Variants in SPOCK3 observed in about 807,000 individuals in gnomAD.
SPOCK3 encodes testican-3.
In SPOCK3, 30 loss-of-function variants were observed where a neutral mutation model predicts 56.6. That is an observed-to-expected ratio of 0.53 (90% confidence interval 0.40 to 0.72). SPOCK3 has a LOEUF of 0.72. Ranked by LOEUF, SPOCK3 falls within the 30% of genes least tolerant of loss-of-function variation. The probability of loss-of-function intolerance (pLI) is 0.00; values close to 1 mark genes in which losing one functional copy is unlikely to be tolerated. For missense variants in SPOCK3, 527 were observed against 530.0 expected, an observed-to-expected ratio of 0.99 and a Z score of 0.06; for synonymous variants, 196 against 183.3, an observed-to-expected ratio of 1.07 and a Z score of -0.56.
At chr4:167,010,211 A>G (rs974569422) in intron 3 of SPOCK3, among the ~76,000 whole-genome samples, 4 of 152,104 alleles carry the variant, frequency 2.6e-5, no homozygotes, top group Admixed American at 2.0e-4. Context: ...TGCAGTGAGG[A>G]ACAAATAATT....
chr4:167,061,344 A>T (rs1435624808), intron 3 of SPOCK3, among the ~76,000 whole-genome samples: 1 of 151,986 alleles, frequency 6.6e-6, no homozygotes, highest in Non-Finnish European at 1.5e-5. Flanking sequence ...CATTGGCTTG[A>T]CTTATTAGTA....
intron 4 of SPOCK3, among the ~76,000 whole-genome samples, chr4:166,941,409 G>A (rs2069087076): frequency 6.6e-6 from 1 of 152,166 alleles, no homozygotes; most frequent in South Asian, 2.1e-4. Flanking sequence ...TCTTGTAACT[G>A]TTTCCTTTTT....
chr4:166,751,605 T>G (rs1736382858), intron 8 of SPOCK3, among the ~76,000 whole-genome samples: 1 of 152,286 alleles, frequency 6.6e-6, no homozygotes, highest in South Asian at 2.1e-4. Flanking sequence ...AAAATGGGAA[T>G]ATTTATACTT....
chr4:166,902,748 T>C (rs1258728178), intron 5 of SPOCK3, among the ~76,000 whole-genome samples: 10 of 151,658 alleles, frequency 6.6e-5, no homozygotes, highest in Non-Finnish European at 1.3e-4. Flanking sequence ...TCATCTAATC[T>C]GCTGTTTAAT....
chr4:167,224,076 C>A (rs1358046738), intron 2 of SPOCK3, among the ~76,000 whole-genome samples: 1 of 151,928 alleles, frequency 6.6e-6, no homozygotes, highest in Non-Finnish European at 1.5e-5. Flanking sequence ...AGAAAACAGC[C>A]ATTAATTAAA....
intron 6 of SPOCK3, among the ~76,000 whole-genome samples, chr4:166,852,367 A>G (rs899386412): frequency 1.3e-5 from 2 of 152,126 alleles, no homozygotes; most frequent in Non-Finnish European, 2.9e-5. Context: ...TTCCAGAGAA[A>G]CCTTGAAAAC....
intron 6 of SPOCK3, among the ~76,000 whole-genome samples, chr4:166,880,322 T>C (rs1219070324): frequency 6.6e-6 from 1 of 152,188 alleles, no homozygotes; most frequent in African/African-American, 2.4e-5. Context: ...CAGCTTCTGG[T>C]ACACTGTTCT....
At chr4:167,220,331 T>G (rs1735777702) in intron 2 of SPOCK3, among the ~76,000 whole-genome samples, 1 of 151,874 alleles carries the variant, frequency 6.6e-6, no homozygotes, top group South Asian at 2.1e-4. Context: ...AAAAAACAGC[T>G]TCTGAAGATG....
chr4:167,134,767 T>C (rs976615187), intron 2 of SPOCK3, among the ~76,000 whole-genome samples: 3 of 152,158 alleles, frequency 2.0e-5, no homozygotes, highest in Non-Finnish European at 4.4e-5. Flanking sequence ...GTTGTTATTA[T>C]ATTCCCCACA....
chr4:166,852,700 A>C (rs1266175182), intron 6 of SPOCK3, among the ~76,000 whole-genome samples: 1 of 152,218 alleles, frequency 6.6e-6, no homozygotes, highest in African/African-American at 2.4e-5. Flanking sequence ...GGCACCCTGC[A>C]TGCAACAAAC....
At chr4:167,055,431 G>A (rs1297932221) in intron 3 of SPOCK3, among the ~76,000 whole-genome samples, 1 of 152,138 alleles carries the variant, frequency 6.6e-6, no homozygotes, top group Non-Finnish European at 1.5e-5. Flanking sequence ...ATCTCACTAG[G>A]GAGTGCCAGA....
rs895611689 is a variant in SPOCK3 at position 166,738,781 on chromosome 4, G to C, written c.995-1177C>G. ...GATGATTTCCAATTTCATCCATGTCGCTATAAAGGACATGAACTCATCATT... is the reference window on the plus strand; with the variant it reads ...GATGATTTCCAATTTCATCCATGTCCCTATAAAGGACATGAACTCATCATT... On this transcript the variant is annotated intron_variant, in intron 9 of 10. Transcript: ENST00000357545. 2.7e-4 allele frequency among the ~76,000 whole-genome samples: 41 copies of C among 151,506 alleles called. No individual in the cohort carries two copies. The East Asian group carries it at 7.5e-3, about 28-fold the overall frequency.
intron 6 of SPOCK3, among the ~76,000 whole-genome samples, chr4:166,876,877 G>C (rs1579508388): frequency 1.3e-5 from 2 of 152,042 alleles, no homozygotes; most frequent in South Asian, 4.1e-4. Flanking sequence ...CAAGAAAAAA[G>C]TTTACATTTA....
At chr4:166,781,728 T>TGC (rs1473996088) in intron 7 of SPOCK3, among the ~76,000 whole-genome samples, 1 of 151,926 alleles carries the variant, frequency 6.6e-6, no homozygotes, top group Non-Finnish European at 1.5e-5. Flanking sequence ...AAAATCTAGA[T>TGC]GCACCATCGT....
intron 4 of SPOCK3, among the ~76,000 whole-genome samples, chr4:166,980,482 G>T (rs565405517): frequency 6.6e-6 from 1 of 152,160 alleles, no homozygotes; most frequent in Non-Finnish European, 1.5e-5. Flanking sequence ...CCCAAGTTTT[G>T]CTTGGGCCCA....
chr4:166,882,885 T>C (rs944015575), intron 6 of SPOCK3: 1 of 152,196 alleles, frequency 6.6e-6, no homozygotes, highest in African/African-American at 2.4e-5. Context: ...AACTTAATTT[T>C]TATTATAAAT....
chr4:166,978,019 A>T (rs949145344), intron 4 of SPOCK3, among the ~76,000 whole-genome samples: 1 of 152,166 alleles, frequency 6.6e-6, no homozygotes, highest in Admixed American at 6.5e-5. Flanking sequence ...CTTTGAAAAC[A>T]AAGAGTGAGT....
At chr4:166,771,591 T>G (rs760252255) in intron 7 of SPOCK3, among the ~76,000 whole-genome samples, 7 of 152,094 alleles carry the variant, frequency 4.6e-5, no homozygotes, top group Non-Finnish European at 1.0e-4. Flanking sequence ...CACACCTGTA[T>G]GAATTTCATT....
At chr4:167,127,895 T>C (rs1255806137) in intron 2 of SPOCK3, among the ~76,000 whole-genome samples, 4 of 152,116 alleles carry the variant, frequency 2.6e-5, no homozygotes, top group African/African-American at 4.8e-5. Context: ...ATTATCAAAA[T>C]AAATTACCAT....
Sources: gnomAD v4.1 joint callset for allele counts (sites outside exome capture counted in the v4.1 genomes callset) on GRCh38, gnomAD v4.1.1 for gene constraint, MANE v1.5 for transcripts, NCBI Gene and HGNC (gene_info 2026-07-23, HGNC 2026-07-21) for gene names.